APOB: variants seen among roughly 807,000 people sequenced by gnomAD.
The protein encoded by APOB is apolipoprotein B.
Under a neutral mutation model 314.1 loss-of-function variants are expected in APOB, and 153 were observed. The ratio of observed to expected loss-of-function variants is 0.49; its 90% confidence interval spans 0.43 to 0.56. APOB has a LOEUF of 0.56. Among genes scored for constraint, APOB ranks in the 20% least tolerant of loss-of-function variants. The pLI is 0.00. For synonymous variants in APOB, 2,087 were observed against 2,036.4 expected, an observed-to-expected ratio of 1.02 and a Z score of -0.67; for missense variants, 5,430 against 5,350.7, an observed-to-expected ratio of 1.01 and a Z score of -0.46.
At position 21,011,966 on chromosome 2, in the gene APOB, G is replaced by A. The variant is rs1243283689; in HGVS notation, c.4902C>T (p.Asp1634=). 6.2e-7 allele frequency: 1 copy of A among 1,614,056 alleles called. No individual in the cohort carries two copies. The highest frequency in any genetic ancestry group is 1.1e-5 in the South Asian group (1 of 91,084). Reference sequence around the variant, plus strand: ...CCTTGTGAGCACCACTATTAATTTTGTCAGTGCCTAAGATGTCAGCATTTA... The same window carrying A: ...CCTTGTGAGCACCACTATTAATTTTATCAGTGCCTAAGATGTCAGCATTTA... ...LELNADILGT[D]KINSGAHKAT... is the part of the protein sequence containing the mutation. Residue 1634 remains aspartate, a synonymous_variant, in exon 26 of 29, where the codon GAC becomes GAT. Transcript: ENST00000233242.
chr2:21,020,117 C>A (rs1663566651), intron 18 of APOB, among the ~76,000 whole-genome samples: 1 of 152,182 alleles, frequency 6.6e-6, no homozygotes, highest in Non-Finnish European at 1.5e-5. Flanking sequence ...TGGCTGAGTT[C>A]TTTCCATCTG....
At chr2:21,038,416 AACCTCC>A (rs1281416336) in intron 4 of APOB, among the ~76,000 whole-genome samples, 1 of 151,768 alleles carries the variant, frequency 6.6e-6, no homozygotes, top group Non-Finnish European at 1.5e-5. Flanking sequence ...AGCTCACTGC[AACCTCC>A]ACCTCCTGGG....
Position 21,010,079 on chromosome 2 carries a change from T to C in APOB, c.6789A>G (p.Gln2263=). The C allele has an allele frequency of 1.9e-6, 3 of 1,613,494 alleles. No individual in the cohort carries two copies. The highest frequency in any genetic ancestry group is 1.1e-5 in the South Asian group (1 of 91,060). The change falls in exon 26 of 29, where the codon CAA becomes CAG. Residue 2263 remains glutamine (Q), a synonymous_variant. Transcript: ENST00000233242. Reference sequence around the variant, plus strand: ...GTCTCTTAAGCTGCTGCAGTTTTTCTTGTATCTGGATTCTGATTTGGTACT... The same window carrying C: ...GTCTCTTAAGCTGCTGCAGTTTTTCCTGTATCTGGATTCTGATTTGGTACT... ...DTKYQIRIQI[Q]EKLQQLKRHI... is the part of the protein sequence containing the mutation.
At chr2:21,033,767 C>G (rs1663937292) in intron 8 of APOB, among the ~76,000 whole-genome samples, 1 of 152,170 alleles carries the variant, frequency 6.6e-6, no homozygotes, top group Admixed American at 6.5e-5. Flanking sequence ...TTCTGAGACC[C>G]ACAGAGTTTT....
chr2:21,009,646 A>G lies in APOB; in HGVS notation c.7222T>C (p.Ser2408Pro), dbSNP rs1663250026. 1 of 1,613,636 alleles carries G rather than the reference A, an allele frequency of 6.2e-7. No homozygotes were observed. Among genetic ancestry groups the G allele is most frequent in the South Asian group, 1.1e-5 (1 of 91,026 alleles). ...ACATCTTCAATGAATGTTTTAAAAG[A>G]TAATTCATTAAGCTTCTTGACAGCA... ...DDAVKKLNEL[S>P]FKTFIEDVNK... Residue 2408 changes from serine to proline, a missense_variant, in exon 26 of 29, where the codon TCT becomes CCT. Physicochemically the swap from Ser to Pro is moderately conservative, Grantham distance 74. Around this residue, in one of 3 missense-constraint regions of APOB, gnomAD observed 3,281 missense variants for 3,171.0 expected, o/e 1.03. Coordinates refer to ENST00000233242, the MANE Select transcript of APOB (RefSeq NM_000384.3).
At position 21,002,760 on chromosome 2, in the gene APOB, A is replaced by C; in HGVS notation, c.12662T>G (p.Ile4221Arg). Residue 4221 changes from isoleucine (I) to arginine (R), a missense_variant, in exon 29 of 29, where the codon ATA (isoleucine) becomes AGA (arginine). Physicochemically the swap from Ile to Arg is moderately conservative, Grantham distance 97. Coordinates refer to ENST00000233242, the MANE Select transcript of APOB (RefSeq NM_000384.3). ...GGACAGTACCGTCCCTACCTCCCTTATGAACATAGTGCAAAGTTCCTCCCT... is the reference window on the plus strand; with the variant it reads ...GGACAGTACCGTCCCTACCTCCCTTCTGAACATAGTGCAAAGTTCCTCCCT... ...YTREELCTMF[I>R]REVGTVLSQV... is the part of the protein sequence containing the mutation. The C allele has an allele frequency of 6.2e-7, 1 of 1,609,204 alleles. No homozygotes were observed. Among genetic ancestry groups the C allele is most frequent in the South Asian group, 1.1e-5 (1 of 90,390 alleles).
Position 21,035,655 on chromosome 2 carries a change from C to T in APOB, c.747G>A (p.Leu249=). 6.2e-7 allele frequency: 1 copy of T among 1,614,098 alleles called. No individual in the cohort carries two copies. The highest frequency in any genetic ancestry group is 8.5e-7 in the Non-Finnish European group (1 of 1,180,022). ...ISSSQSCQYT[L]DAKRKHVAEA... is the part of the protein sequence containing the mutation. The stretch of plus-strand genomic sequence containing the variant: ...CTGCCACATGCTTCCTCTTAGCGTC[C>T]AGTGTGTACTGACAGGACTGGCTGC... Residue 249 remains leucine, a synonymous_variant, in exon 7 of 29, where the codon CTG becomes CTA. Coordinates refer to ENST00000233242, the MANE Select transcript of APOB (RefSeq NM_000384.3).
chr2:21,008,400 G>A lies in APOB; in HGVS notation c.8468C>T (p.Ala2823Val). ...GGAGAACTTCACTGACTCCTTCAGA[G>A]CCAGCGGATTAATCTTAGGGTTTGA... ...QLSNPKINPL[A>V]LKESVKFSSK... Residue 2823 changes from alanine to valine, a missense_variant, in exon 26 of 29, where the codon GCT (alanine) becomes GTT (valine). Ala to Val is a moderately conservative substitution (Grantham distance 64). Coordinates refer to ENST00000233242, the MANE Select transcript of APOB (RefSeq NM_000384.3). The A allele has an allele frequency of 1.9e-6, 3 of 1,614,048 alleles. No individual in the cohort carries two copies. Among genetic ancestry groups the A allele is most frequent in the South Asian group, 2.2e-5 (2 of 91,066 alleles).
At position 21,004,489 on chromosome 2, in the gene APOB, G is replaced by C. The variant is rs780549199; in HGVS notation, c.11904-37C>G. The C allele has an allele frequency of 3.1e-6, 5 of 1,612,944 alleles. No homozygotes were observed. In the Admixed American group the frequency reaches 8.3e-5, roughly 27 times the overall value. On this transcript the variant is annotated intron_variant, in intron 27 of 28. Coordinates refer to ENST00000233242, the MANE Select transcript of APOB (RefSeq NM_000384.3). Reference sequence around the variant, plus strand: ...AAAACAGATGAGCTATCACGAAAGGGGTATGGAGATGAAGAAAATCACAAT... The same window carrying C: ...AAAACAGATGAGCTATCACGAAAGGCGTATGGAGATGAAGAAAATCACAAT...
At chr2:21,027,593 G>A (rs12720831) in intron 14 of APOB, among the ~76,000 whole-genome samples, 2,451 of 152,262 alleles carry the variant, frequency 0.016, 45 homozygotes, top group African/African-American at 0.046. Flanking sequence ...GATTACAGGA[G>A]TGAGCCACCT....
chr2:21,016,469 A>G lies in APOB; in HGVS notation c.3302T>C (p.Ile1101Thr). The change falls in exon 21 of 29, where the codon ATT becomes ACT. Residue 1101 changes from isoleucine to threonine, a missense_variant. Physicochemically the swap from Ile to Thr is moderately conservative, Grantham distance 89. Coordinates refer to ENST00000233242, the MANE Select transcript of APOB (RefSeq NM_000384.3). ...RLTLDIQNKKITEVALMGHLS... is the reference protein window; with the variant it reads ...RLTLDIQNKKTTEVALMGHLS... ...GTGGCCCATGAGGGCGACCTCAGTA[A>G]TTTTCTTGTTCTGAATGTCCAGGGT... is the stretch of plus-strand genomic sequence containing the variant. 1.2e-6 allele frequency: 2 copies of G among 1,611,350 alleles called. No homozygotes were observed. The highest frequency in any genetic ancestry group is 1.1e-5 in the South Asian group (1 of 91,024).
At position 21,010,305 on chromosome 2, in the gene APOB, C is replaced by T. The variant is rs755244061; in HGVS notation, c.6563G>A (p.Ser2188Asn). The change falls in exon 26 of 29, where the codon AGT becomes AAT. Residue 2188 changes from serine to asparagine, a missense_variant. This residue lies in a region of APOB where 3,281 missense variants were observed against 3,171.0 expected (regional missense o/e 1.03). Transcript: ENST00000233242. ...TATTTTCAAATCATGTAAATCATAA[C>T]TATCTTTAATATACTGATCAAATTG... ...MIQFDQYIKD[S>N]YDLHDLKIAI... The T allele has an allele frequency of 9.0e-6, 14 of 1,547,796 alleles. No individual in the cohort carries two copies. The highest frequency in any genetic ancestry group is 2.0e-5 in the Admixed American group (1 of 50,280).
In APOB at chr2:21,007,304, A is replaced by T. The variant is rs1558561982; in HGVS notation, c.9564T>A (p.Asn3188Lys). The change falls in exon 26 of 29, where the codon AAT (asparagine) becomes AAA (lysine). Residue 3188 changes from asparagine (N) to lysine (K), a missense_variant. Coordinates refer to ENST00000233242, the MANE Select transcript of APOB (RefSeq NM_000384.3). ...KKNKHRHSIT[N>K]PLAVLCEFIS... ...TAAACTCACAAAGCACAGCCAAAGG[A>T]TTTGTGATGGAATGCCTGTGTTTGT... 3 of 1,613,708 alleles carry T rather than the reference A, an allele frequency of 1.9e-6. No homozygotes were observed. Among genetic ancestry groups the T allele is most frequent in the Non-Finnish European group, 2.5e-6 (3 of 1,179,916 alleles).
At position 21,038,051 on chromosome 2, in the gene APOB, A is replaced by G. The variant is rs753886477; in HGVS notation, c.444T>C (p.Asp148=). The change falls in exon 5 of 29, where the codon GAT becomes GAC. Residue 148 remains aspartate (D), a synonymous_variant. Coordinates refer to ENST00000233242, the MANE Select transcript of APOB (RefSeq NM_000384.3). ...GKQVFLYPEK[D]EPTYILNIKR... ...TGATGTTCAGGATGTAAGTAGGTTC[A>G]TCTTTCTCCGGGTAAAGGAAAACCT... 5 of 1,614,098 alleles carry G rather than the reference A, an allele frequency of 3.1e-6. No homozygotes were observed. The East Asian group carries it at 6.7e-5, about 22-fold the overall frequency.
At chr2:21,025,694 G>A (rs1033144093) in intron 15 of APOB, among the ~76,000 whole-genome samples, 31 of 152,172 alleles carry the variant, frequency 2.0e-4, no homozygotes, top group Admixed American at 2.0e-3. Flanking sequence ...TTAGAAGATG[G>A]AGCTCGTGCT....
At chr2:21,040,856 C>T in intron 4 of APOB, 82 bp downstream of exon 4, 3 of 1,491,748 alleles carry the variant, frequency 2.0e-6, no homozygotes, top group South Asian at 1.1e-5. Context: ...CTTACAGTCA[C>T]ATCCGTGCCT....
chr2:21,007,260 G>C lies in APOB; in HGVS notation c.9608C>G (p.Ser3203Cys), dbSNP rs760290412. The stretch of plus-strand genomic sequence containing the variant: ...GTTTTTTTCAAAATGCCTGTCAAAG[G>C]ATTTGATGCTCTGACTGATAAACTC... ...LCEFISQSIK[S>C]FDRHFEKNRN... The change falls in exon 26 of 29, where the codon TCC (serine) becomes TGC (cysteine). Residue 3203 changes from serine to cysteine, a missense_variant. This residue lies in a region of APOB where 3,281 missense variants were observed against 3,171.0 expected (regional missense o/e 1.03). Transcript: ENST00000233242. The C allele has an allele frequency of 5.6e-6, 9 of 1,613,242 alleles. No individual in the cohort carries two copies. In the South Asian group the frequency reaches 9.9e-5, roughly 18 times the overall value.
At chr2:21,027,771 C>G in intron 14 of APOB, 57 bp downstream of exon 14, 1 of 1,366,916 alleles carries the variant, frequency 7.3e-7, no homozygotes. Context: ...CCCAGGGACT[C>G]TCTGTTTATG....
At chr2:21,036,333 C>T (rs1350274131) in intron 6 of APOB, among the ~76,000 whole-genome samples, 2 of 152,182 alleles carry the variant, frequency 1.3e-5, no homozygotes, top group African/African-American at 4.8e-5. Context: ...ACCCCTAAGC[C>T]AGTGCATTAT....
Sources: gnomAD v4.1 joint callset for allele counts (sites outside exome capture counted in the v4.1 genomes callset) on GRCh38, gnomAD v4.1.1 for gene constraint, gnomAD v4.1.1 regional missense constraint, MANE v1.5 for transcripts, NCBI Gene and HGNC (gene_info 2026-07-23, HGNC 2026-07-21) for gene names.